The following TUSC3 variants were observed in gnomAD, a reference collection of about 807,000 sequenced individuals.
TUSC3 encodes dolichyl-diphosphooligosaccharide--protein glycosyltransferase subunit TUSC3.
A neutral mutation model predicts 44.8 loss-of-function variants in TUSC3; 45 were observed. The observed-to-expected ratio is 1.00, with a 90% CI of 0.79 to 1.29. The LOEUF is 1.29. Ranked by LOEUF, TUSC3 falls within the 50% of genes most tolerant of loss-of-function variation. TUSC3 has a pLI of 0.00. For missense variants in TUSC3, 519 were observed against 437.9 expected (o/e 1.19, Z -1.65); for synonymous variants, 212 against 152.9 (o/e 1.39, Z -2.85).
chr8:15,439,232 C>T (rs1333746414), intron 1 of TUSC3, among the ~76,000 whole-genome samples: 1 of 152,110 alleles, frequency 6.6e-6, no homozygotes, highest in Non-Finnish European at 1.5e-5. Flanking sequence ...TGATGCAGTC[C>T]ATAGTAATCA....
intron 9 of TUSC3, among the ~76,000 whole-genome samples, chr8:15,751,434 G>A (rs1331773684): frequency 6.6e-6 from 1 of 152,026 alleles, no homozygotes; most frequent in East Asian, 1.9e-4. Context: ...GCTGATTAGA[G>A]CCTTCTATGT....
intron 6 of TUSC3, among the ~76,000 whole-genome samples, chr8:15,693,886 G>C (rs565780981): frequency 6.8e-4 from 103 of 152,102 alleles, no homozygotes; most frequent in Middle Eastern, 3.4e-3. Context: ...CAAAGAGCCA[G>C]TCTTTGACCT....
chr8:15,458,552 T>G (rs1038367436), intron 1 of TUSC3, among the ~76,000 whole-genome samples: 2 of 152,162 alleles, frequency 1.3e-5, no homozygotes. Flanking sequence ...GCTTATTTCA[T>G]TATTATAAAA....
chr8:15,800,040 G>C, the TUSC3 span, among the ~76,000 whole-genome samples: 2 of 152,148 alleles, frequency 1.3e-5, no homozygotes, highest in South Asian at 2.1e-4. Flanking sequence ...CGGGCAGCAA[G>C]CATGTCCAAG....
the TUSC3 span, among the ~76,000 whole-genome samples, chr8:15,828,803 C>CT: frequency 1.3e-5 from 2 of 152,270 alleles, no homozygotes; most frequent in Admixed American, 1.3e-4. Context: ...AACAAACTCT[C>CT]TAAGGCTGAA....
chr8:15,590,987 G>T (rs1235457367), intron 1 of TUSC3, among the ~76,000 whole-genome samples: 1 of 152,036 alleles, frequency 6.6e-6, no homozygotes. Context: ...AATTTGTTTT[G>T]CCAGATCTGA....
intron 6 of TUSC3, among the ~76,000 whole-genome samples, chr8:15,729,037 G>C (rs189185207): frequency 1.3e-5 from 2 of 152,146 alleles, no homozygotes; most frequent in Non-Finnish European, 2.9e-5. Flanking sequence ...AGATTGATCA[G>C]AGAAGATACT....
At chr8:15,779,104 T>C in the TUSC3 span, among the ~76,000 whole-genome samples, 7 of 115,408 alleles carry the variant, frequency 6.1e-5, no homozygotes, top group South Asian at 2.8e-4. Flanking sequence ...TTTTCTTTTT[T>C]TTTTTTTTTT....
the TUSC3 span, among the ~76,000 whole-genome samples, chr8:15,787,906 G>A: frequency 6.6e-6 from 1 of 152,146 alleles, no homozygotes; most frequent in African/African-American, 2.4e-5. Flanking sequence ...TTTACTACTT[G>A]GAGAGATGAA....
Position 15,451,192 on chromosome 8 carries a change from C to CT in TUSC3, n.92-32192dup, listed in dbSNP as rs1239620291. On this transcript the variant is annotated intron_variant and non_coding_transcript_variant, in intron 1 of 5. Transcript: ENST00000503191. Reference sequence around the variant, plus strand: ...TAAGACACATATATATGTCTTATTTCTTGTATCACAGTATAATGTTACTTA... The same window carrying CT: ...TAAGACACATATATATGTCTTATTTCTTTGTATCACAGTATAATGTTACTTA... 3.3e-5 allele frequency among the ~76,000 whole-genome samples: 5 copies of CT among 152,232 alleles called. No individual in the cohort carries two copies. In the East Asian group the frequency reaches 9.7e-4, roughly 29 times the overall value.
At chr8:15,780,889 A>C in the TUSC3 span, among the ~76,000 whole-genome samples, 2 of 152,198 alleles carry the variant, frequency 1.3e-5, no homozygotes. Context: ...GAGGGTATGC[A>C]ACCATTTCCA....
chr8:15,608,531 T>C (rs1804627029), intron 1 of TUSC3, among the ~76,000 whole-genome samples: 1 of 152,186 alleles, frequency 6.6e-6, no homozygotes, highest in Non-Finnish European at 1.5e-5. Context: ...GGTTTGGCTC[T>C]GTGTCCCCAT....
chr8:15,523,698 G>A (rs58853973), intron 2 of TUSC3, among the ~76,000 whole-genome samples: 13,269 of 54,136 alleles, frequency 0.25, 1,657 homozygotes, highest in African/African-American at 0.33. Flanking sequence ...GTGTGTGTGT[G>A]TGTGTGTGTG....
At chr8:15,529,173 A>G (rs1018316785) in intron 2 of TUSC3, among the ~76,000 whole-genome samples, 9 of 152,230 alleles carry the variant, frequency 5.9e-5, no homozygotes, top group African/African-American at 1.4e-4. Flanking sequence ...CTAAAATGCA[A>G]TCGCACAGGT....
intron 2 of TUSC3, among the ~76,000 whole-genome samples, chr8:15,524,272 T>C (rs1801343826): frequency 6.6e-6 from 1 of 152,120 alleles, no homozygotes; most frequent in Admixed American, 6.6e-5. Context: ...ATTTATATAA[T>C]ATATTTCAAT....
At chr8:15,843,323 T>C in the TUSC3 span, among the ~76,000 whole-genome samples, 1 of 152,172 alleles carries the variant, frequency 6.6e-6, no homozygotes. Flanking sequence ...TTGGAAAAGC[T>C]GGTGGAATAT....
intron 9 of TUSC3, among the ~76,000 whole-genome samples, chr8:15,749,166 T>A (rs1811581521): frequency 6.6e-6 from 1 of 152,126 alleles, no homozygotes; most frequent in South Asian, 2.1e-4. Context: ...TTCTTTTAGG[T>A]TAGCTCATTT....
At chr8:15,453,285 C>T (rs181370725) in intron 1 of TUSC3, among the ~76,000 whole-genome samples, 2 of 152,084 alleles carry the variant, frequency 1.3e-5, no homozygotes, top group East Asian at 1.9e-4. Context: ...GTCTGCAAAC[C>T]ATGAAAGCAA....
rs559865657 is a variant in TUSC3 at position 15,743,437 on chromosome 8, C to G, written c.863-101C>G. On this transcript the variant is annotated intron_variant, in intron 7 of 10. Coordinates refer to ENST00000503731, the MANE Select transcript of TUSC3 (RefSeq NM_006765.4). ...AATTGATTGTATTTACCTCTGTGTG[C>G]ATTTGTAGTTTAACCATTCTGGAAC... 3.1e-5 allele frequency: 35 copies of G among 1,140,348 alleles called. No homozygotes were observed. The South Asian group carries it at 4.3e-4, about 14-fold the overall frequency. 70.6% of individuals were successfully genotyped at this position (1,140,348 alleles called of 1,614,324 possible). A position where few individuals can be genotyped will look rare whatever the true frequency, so the allele number is the denominator to read the frequency against.
Sources: allele counts gnomAD v4.1 joint callset (sites outside exome capture counted in the v4.1 genomes callset), GRCh38; gene constraint gnomAD v4.1.1; transcripts MANE v1.5; gene names NCBI Gene and HGNC (gene_info 2026-07-23, HGNC 2026-07-21).